Variants in NPAT observed in about 807,000 individuals in gnomAD.
NPAT encodes nuclear protein, coactivator of histone transcription, also known as protein NPAT.
A neutral mutation model predicts 130.7 loss-of-function variants in NPAT; 52 were observed. The observed-to-expected ratio is 0.40, with a 90% CI of 0.32 to 0.50. NPAT has a LOEUF of 0.50. NPAT is among the 20% of genes least tolerant of loss of function. The pLI is 0.68. For missense variants in NPAT, 1,687 were observed against 1,662.6 expected (o/e 1.01, Z -0.26); for synonymous variants, 580 against 584.8 (o/e 0.99, Z 0.12).
chr11:108,203,904 T>C (rs1307772216), intron 1 of NPAT, among the ~76,000 whole-genome samples: 1 of 152,214 alleles, frequency 6.6e-6, no homozygotes, highest in African/African-American at 2.4e-5. Context: ...ATACACATAT[T>C]TGGTCCATGT....
At chr11:108,190,830 T>A (rs1033442520) in intron 4 of NPAT, among the ~76,000 whole-genome samples, 8 of 152,198 alleles carry the variant, frequency 5.3e-5, no homozygotes, top group African/African-American at 1.9e-4. Context: ...CCCAGCACCC[T>A]GGGGGGCTGA....
At position 108,201,470 on chromosome 11, in the gene NPAT, G is replaced by T. The variant is rs2078274805; in HGVS notation, c.38-4050C>A. ...CACCAGCCCTTAGTCTTCCCATAGGGAAGACATTCAATCTTTATGTATCAG... is the reference window on the plus strand; with the variant it reads ...CACCAGCCCTTAGTCTTCCCATAGGTAAGACATTCAATCTTTATGTATCAG... On this transcript the variant is annotated intron_variant, in intron 1 of 17. Coordinates refer to ENST00000278612, the MANE Select transcript of NPAT (RefSeq NM_002519.3). Among the ~76,000 whole-genome samples, 3 of 152,308 alleles carry T rather than the reference G, an allele frequency of 2.0e-5. No individual in the cohort carries two copies. In the South Asian group the frequency reaches 6.2e-4, roughly 32 times the overall value.
At chr11:108,165,610 G>A (rs1247993905) in intron 15 of NPAT, among the ~76,000 whole-genome samples, 2 of 150,028 alleles carry the variant, frequency 1.3e-5, no homozygotes, top group African/African-American at 4.9e-5. Flanking sequence ...GACTACAGGT[G>A]CACACCACCA....
intron 4 of NPAT, among the ~76,000 whole-genome samples, chr11:108,191,831 G>C (rs1486374213): frequency 2.0e-5 from 3 of 152,120 alleles, no homozygotes; most frequent in African/African-American, 7.2e-5. Flanking sequence ...CAGTGGCCTG[G>C]GATTAGGTGA....
chr11:108,160,420 A>G (rs542408968), intron 17 of NPAT, among the ~76,000 whole-genome samples: 7 of 149,872 alleles, frequency 4.7e-5, no homozygotes, highest in African/African-American at 1.2e-4. Context: ...GACGTGGGGG[A>G]AAAAAAAAAC....
Position 108,192,111 on chromosome 11 carries a change from T to C in NPAT, c.290+7A>G, listed in dbSNP as rs1220707744. On this transcript the variant is annotated splice_region_variant and intron_variant, in intron 4 of 17. Transcript: ENST00000278612. The stretch of plus-strand genomic sequence containing the variant: ...AAATCATTAGGCACATTCTAATAGC[T>C]TATTACCTGATCTGAGAAAGTGTAT... The C allele has an allele frequency of 1.9e-6, 3 of 1,571,296 alleles. No homozygotes were observed.
At chr11:108,222,040 G>A (rs879929539) in intron 1 of NPAT, among the ~76,000 whole-genome samples, 9 of 152,128 alleles carry the variant, frequency 5.9e-5, no homozygotes, top group Non-Finnish European at 1.2e-4. Flanking sequence ...TAGTTATAAG[G>A]GCGGGTTATT....
intron 1 of NPAT, among the ~76,000 whole-genome samples, chr11:108,200,602 C>G (rs995123977): frequency 6.6e-6 from 1 of 152,134 alleles, no homozygotes; most frequent in Admixed American, 6.5e-5. Flanking sequence ...CCTTCTCTAA[C>G]CAGAGACAAT....
intron 1 of NPAT, among the ~76,000 whole-genome samples, chr11:108,218,376 T>A (rs2134907737): frequency 6.6e-6 from 1 of 151,972 alleles, no homozygotes; most frequent in Middle Eastern, 3.4e-3. Context: ...AAAAGAGAGG[T>A]TTAAAGCAAG....
At chr11:108,195,069 G>A (rs913372589) in intron 2 of NPAT, among the ~76,000 whole-genome samples, 4 of 150,816 alleles carry the variant, frequency 2.7e-5, no homozygotes, top group Middle Eastern at 3.6e-3. Flanking sequence ...CTATCCACTC[G>A]CCTTGGCCTC....
At chr11:108,212,441 C>T (rs1433331413) in intron 1 of NPAT, among the ~76,000 whole-genome samples, 1 of 151,198 alleles carries the variant, frequency 6.6e-6, no homozygotes, top group Non-Finnish European at 1.5e-5. Context: ...AGGAGAATTG[C>T]TTGAATCCGG....
chr11:108,174,726 T>C (rs913313359), intron 12 of NPAT, among the ~76,000 whole-genome samples: 41 of 151,818 alleles, frequency 2.7e-4, no homozygotes, highest in African/African-American at 9.9e-4. Flanking sequence ...GTGATTCTCC[T>C]GCCTCAGCCT....
chr11:108,220,566 G>T (rs1045848204), intron 1 of NPAT, among the ~76,000 whole-genome samples: 4 of 151,876 alleles, frequency 2.6e-5, no homozygotes, highest in African/African-American at 9.7e-5. Context: ...CATTATGAAG[G>T]GACCAATAAC....
chr11:108,161,569 T>G lies in NPAT; in HGVS notation c.3517A>C (p.Ser1173Arg), dbSNP rs753590359. ...ATANKENELC[S>R]DVERQKNPEN... Reference sequence around the variant, plus strand: ...GGATTTTTCTGTCTTTCTACATCGCTGCATAATTCATTCTCCTTATTAGCT... The same window carrying G: ...GGATTTTTCTGTCTTTCTACATCGCGGCATAATTCATTCTCCTTATTAGCT... The change falls in exon 17 of 18, where the codon AGC becomes CGC. Residue 1173 changes from serine (S) to arginine (R), a missense_variant. Physicochemically the swap from Ser to Arg is moderately radical, Grantham distance 110. Coordinates refer to ENST00000278612, the MANE Select transcript of NPAT (RefSeq NM_002519.3). 4.3e-6 allele frequency: 7 copies of G among 1,614,098 alleles called. No individual in the cohort carries two copies. The Admixed American group carries it at 5.0e-5, about 12-fold the overall frequency.
intron 10 of NPAT, among the ~76,000 whole-genome samples, chr11:108,184,053 C>T (rs2078081615): frequency 6.6e-6 from 1 of 152,110 alleles, no homozygotes; most frequent in Non-Finnish European, 1.5e-5. Context: ...CCCTTACTAG[C>T]TCACTCTCTT....
chr11:108,222,351 G>A, intron 1 of NPAT, 149 bp downstream of exon 1: 3 of 823,092 alleles, frequency 3.6e-6, no homozygotes, highest in Non-Finnish European at 6.2e-6. Flanking sequence ...CAGAACCTCC[G>A]AATGACGAAG....
Position 108,173,800 on chromosome 11 carries a change from G to A in NPAT, c.1184C>T (p.Pro395Leu). Residue 395 changes from proline to leucine, a missense_variant, in exon 13 of 18, where the codon CCA becomes CTA. Pro to Leu is a moderately conservative substitution (Grantham distance 98). Around this residue, in one of 3 missense-constraint regions of NPAT, gnomAD observed 1,379 missense variants for 1,346.6 expected, o/e 1.02. Transcript: ENST00000278612. Reference sequence around the variant, plus strand: ...GTTGCTATTCTTCAAAGCATTTAATGGGTCATCATTCTGATAGGATGTACA... The same window carrying A: ...GTTGCTATTCTTCAAAGCATTTAATAGGTCATCATTCTGATAGGATGTACA... ...AFCTSYQNDD[P>L]LNALKNSNNH... is the part of the protein sequence containing the mutation. The A allele has an allele frequency of 6.2e-7, 1 of 1,614,076 alleles. No individual in the cohort carries two copies. The highest frequency in any genetic ancestry group is 8.5e-7 in the Non-Finnish European group (1 of 1,180,020).
chr11:108,216,755 A>G (rs1327801181), intron 1 of NPAT, among the ~76,000 whole-genome samples: 1 of 152,218 alleles, frequency 6.6e-6, no homozygotes, highest in Non-Finnish European at 1.5e-5. Flanking sequence ...CCTCTATAAT[A>G]AGTGTTTAAG....
Position 108,192,096 on chromosome 11 carries a change from G to T in NPAT, c.290+22C>A, listed in dbSNP as rs745306239. The T allele has an allele frequency of 4.7e-6, 7 of 1,491,318 alleles. No individual in the cohort carries two copies. The East Asian group carries it at 1.6e-4, about 34-fold the overall frequency. The allele number at this position is 1,491,318 out of a possible 1,614,324, so 92.4% of individuals were successfully genotyped here. A position where few individuals can be genotyped will look rare whatever the true frequency, so the allele number is the denominator to read the frequency against. Reference sequence around the variant, plus strand: ...TGTATTTGCATTCCAAAATCATTAGGCACATTCTAATAGCTTATTACCTGA... The same window carrying T: ...TGTATTTGCATTCCAAAATCATTAGTCACATTCTAATAGCTTATTACCTGA... On this transcript the variant is annotated intron_variant, in intron 4 of 17. Coordinates refer to ENST00000278612, the MANE Select transcript of NPAT (RefSeq NM_002519.3).
Sources: allele counts gnomAD v4.1 joint callset (sites outside exome capture counted in the v4.1 genomes callset), GRCh38; gene constraint gnomAD v4.1.1; regional missense constraint gnomAD v4.1.1; transcripts MANE v1.5; gene names NCBI Gene and HGNC (gene_info 2026-07-23, HGNC 2026-07-21).